The following MRPL1 variants were observed in gnomAD, a reference collection of about 807,000 sequenced individuals.
The protein encoded by MRPL1 is mitochondrial ribosomal protein L1, also known as large ribosomal subunit protein uL1m.
Under a neutral mutation model 38.0 loss-of-function variants are expected in MRPL1, and 28 were observed. The ratio of observed to expected loss-of-function variants is 0.74; its 90% CI spans 0.55 to 1.01. The LOEUF is 1.01. Among genes scored for constraint, MRPL1 ranks in the 50% least tolerant of loss-of-function variants. MRPL1 has a pLI of 0.00. For missense variants in MRPL1, 358 were observed against 389.8 expected, an observed-to-expected ratio of 0.92 and a Z score of 0.69; for synonymous variants, 123 against 126.7, an observed-to-expected ratio of 0.97 and a Z score of 0.20.
rs536153347 is a variant in MRPL1, at chr4:77,952,170, C to G, written c.860-319C>G. Among the ~76,000 whole-genome samples, 4 of 152,254 alleles carry G rather than the reference C, an allele frequency of 2.6e-5. No homozygotes were observed. The South Asian group carries it at 8.3e-4, about 32-fold the overall frequency. On this transcript the variant is annotated intron_variant, in intron 8 of 8. Transcript: ENST00000315567. ...CTATGACTCCTGTCACTCTGATTCACCCACAGTTGGGTAAATAATTATTGC... is the reference window on the plus strand; with the variant it reads ...CTATGACTCCTGTCACTCTGATTCAGCCACAGTTGGGTAAATAATTATTGC...
Position 77,885,333 on chromosome 4 carries a change from T to G in MRPL1, c.480T>G (p.Phe160Leu). Reference sequence around the variant, plus strand: ...CCGAAATCAATAAAGTTGCTGTATTTACAGAGGTGAGTAACTTCCGTCAAC... The same window carrying G: ...CCGAAATCAATAAAGTTGCTGTATTGACAGAGGTGAGTAACTTCCGTCAAC... ...FASEINKVAV[F>L]TENASEVKIA... The change falls in exon 4 of 9, where the codon TTT becomes TTG. Residue 160 changes from phenylalanine to leucine, a missense_variant. Coordinates refer to ENST00000315567, the MANE Select transcript of MRPL1 (RefSeq NM_020236.4). The G allele has an allele frequency of 6.2e-7, 1 of 1,610,544 alleles. No individual in the cohort carries two copies. The highest frequency in any genetic ancestry group is 2.2e-5 in the East Asian group (1 of 44,854).
chr4:77,875,910 A>G (rs1735378548), intron 2 of MRPL1, among the ~76,000 whole-genome samples: 1 of 152,164 alleles, frequency 6.6e-6, no homozygotes, highest in African/African-American at 2.4e-5. Flanking sequence ...GAGTAGTGCC[A>G]GTTTTCCACA....
chr4:77,916,281 T>A (rs985392627), intron 7 of MRPL1, among the ~76,000 whole-genome samples: 9 of 152,172 alleles, frequency 5.9e-5, no homozygotes, highest in African/African-American at 1.9e-4. Context: ...AAATTTCAAA[T>A]TAATATACAT....
intron 2 of MRPL1, among the ~76,000 whole-genome samples, chr4:77,872,422 T>A (rs918363560): frequency 6.6e-6 from 1 of 152,168 alleles, no homozygotes; most frequent in Non-Finnish European, 1.5e-5. Context: ...GCATAGTATA[T>A]ATATTGGGTA....
intron 5 of MRPL1, among the ~76,000 whole-genome samples, chr4:77,891,353 T>G (rs1055295634): frequency 5.3e-5 from 8 of 151,250 alleles, no homozygotes; most frequent in Non-Finnish European, 1.2e-4. Flanking sequence ...TTTTTTGTTT[T>G]TTTTTTTTTT....
chr4:77,877,965 C>A (rs1735441865), intron 2 of MRPL1, among the ~76,000 whole-genome samples: 1 of 152,084 alleles, frequency 6.6e-6, no homozygotes, highest in African/African-American at 2.4e-5. Flanking sequence ...CCTGGGAGCA[C>A]CTGGTGGGAG....
At position 77,946,107 on chromosome 4, in the gene MRPL1, C is replaced by T. The variant is rs7697193; in HGVS notation, c.778-3690C>T. Among the ~76,000 whole-genome samples, 327 of 152,176 alleles carry T rather than the reference C, an allele frequency of 2.1e-3. 3 individuals carry two copies. Among genetic ancestry groups the T allele is most frequent in the Middle Eastern group, 0.01 (3 of 294 alleles). On this transcript the variant is annotated intron_variant, in intron 7 of 8. Coordinates refer to ENST00000315567, the MANE Select transcript of MRPL1 (RefSeq NM_020236.4). Reference sequence around the variant, plus strand: ...CGTATTTCAGTCCTTATCTCAACCGCGTAAGACAGACACTCCCAGAGCGGC... The same window carrying T: ...CGTATTTCAGTCCTTATCTCAACCGTGTAAGACAGACACTCCCAGAGCGGC...
chr4:77,915,955 A>G (rs1560469024), intron 7 of MRPL1, among the ~76,000 whole-genome samples: 1 of 152,192 alleles, frequency 6.6e-6, no homozygotes. Context: ...GTTGGGATAA[A>G]AGCAAGCTGC....
intron 7 of MRPL1, among the ~76,000 whole-genome samples, chr4:77,943,490 T>TGA (rs1737181793): frequency 6.6e-6 from 1 of 152,052 alleles, no homozygotes; most frequent in Non-Finnish European, 1.5e-5. Context: ...TTTCTTTTCT[T>TGA]CCTCAGGAAC....
At chr4:77,868,425 T>C (rs1448902368) in intron 1 of MRPL1, among the ~76,000 whole-genome samples, 1 of 152,070 alleles carries the variant, frequency 6.6e-6, no homozygotes, top group Non-Finnish European at 1.5e-5. Flanking sequence ...GTATTTTTAG[T>C]AGAGACGGGG....
At chr4:77,945,436 T>A (rs1737237017) in intron 7 of MRPL1, among the ~76,000 whole-genome samples, 1 of 151,956 alleles carries the variant, frequency 6.6e-6, no homozygotes, top group Non-Finnish European at 1.5e-5. Flanking sequence ...TCAGAACAGT[T>A]ATAGTTAATA....
intron 7 of MRPL1, among the ~76,000 whole-genome samples, chr4:77,937,509 C>T (rs972881994): frequency 5.3e-5 from 8 of 152,176 alleles, no homozygotes; most frequent in East Asian, 1.9e-4. Flanking sequence ...TCTACTTCCC[C>T]GCCCATATTT....
intron 1 of MRPL1, among the ~76,000 whole-genome samples, chr4:77,865,535 AT>A (rs1029525657): frequency 4.8e-5 from 7 of 147,226 alleles, no homozygotes; most frequent in Admixed American, 1.4e-4. Context: ...TGACCAGCTA[AT>A]TTTTTTTTTG....
chr4:77,899,249 T>C (rs527268749), intron 6 of MRPL1, among the ~76,000 whole-genome samples: 52 of 150,918 alleles, frequency 3.4e-4, no homozygotes, highest in African/African-American at 1.2e-3. Flanking sequence ...TCAAGTGATC[T>C]ACCTGCTGCA....
In MRPL1 at chr4:77,949,807, C is replaced by T. The variant is rs749158086; in HGVS notation, c.788C>T (p.Ser263Leu). 6.2e-6 allele frequency: 10 copies of T among 1,604,186 alleles called. No homozygotes were observed. The South Asian group carries it at 1.1e-4, about 18-fold the overall frequency. ...LQTKIATLDM[S>L]SDQIAANLQA... ...ATTATTTTCTTTCAGTTGGATATGT[C>T]AAGTGACCAGATAGCTGCCAATCTG... Residue 263 changes from serine (S) to leucine (L), a missense_variant, in exon 8 of 9, where the codon TCA (serine) becomes TTA (leucine). Transcript: ENST00000315567.
rs1422768037 is a variant in MRPL1 at position 77,952,556 on chromosome 4, A to G, written c.927A>G (p.Pro309=). ...AAGGTTTATTACTGAAGATTGATCCATTGTTGCCTAAAGAAGTAAAAAATG... is the reference window on the plus strand; with the variant it reads ...AAGGTTTATTACTGAAGATTGATCCGTTGTTGCCTAAAGAAGTAAAAAATG... ...TSEGLLLKID[P]LLPKEVKNEE... The change falls in exon 9 of 9, where the codon CCA becomes CCG. Residue 309 remains proline (P), a synonymous_variant. Transcript: ENST00000315567. The G allele has an allele frequency of 1.9e-6, 3 of 1,613,358 alleles. No homozygotes were observed. Among genetic ancestry groups the G allele is most frequent in the Non-Finnish European group, 2.5e-6 (3 of 1,179,724 alleles).
At chr4:77,949,174 A>C (rs956425677) in intron 7 of MRPL1, among the ~76,000 whole-genome samples, 2 of 152,238 alleles carry the variant, frequency 1.3e-5, no homozygotes, top group African/African-American at 4.8e-5. Flanking sequence ...GAATAAGAGT[A>C]ATTGAATTTG....
intron 1 of MRPL1, among the ~76,000 whole-genome samples, chr4:77,867,530 CTTTTCTTTTTCT>C (rs548304554): frequency 1.5e-4 from 22 of 150,082 alleles, no homozygotes; most frequent in South Asian, 2.1e-4. Flanking sequence ...TTGGATAATT[CTTTTCTTTTTCT>C]TTTTCTTTTT....
At chr4:77,866,641 A>G (rs1339119267) in intron 1 of MRPL1, among the ~76,000 whole-genome samples, 1 of 152,046 alleles carries the variant, frequency 6.6e-6, no homozygotes, top group Non-Finnish European at 1.5e-5. Context: ...TTTCTTAAAC[A>G]CATTAAGAAC....
Sources: allele counts gnomAD v4.1 joint callset (sites outside exome capture counted in the v4.1 genomes callset), GRCh38; gene constraint gnomAD v4.1.1; transcripts MANE v1.5; gene names NCBI Gene and HGNC (gene_info 2026-07-23, HGNC 2026-07-21).